RIMS1: variants seen among roughly 807,000 people sequenced by gnomAD.
RIMS1 encodes the protein regulating synaptic membrane exocytosis 1.
In RIMS1, 83 loss-of-function variants were observed where a neutral mutation model predicts 214.1. The observed-to-expected ratio is 0.39, with a 90% CI of 0.32 to 0.47. The LOEUF is 0.47. Ranked by LOEUF, RIMS1 falls within the 20% of genes least tolerant of loss-of-function variation. The pLI, the probability that RIMS1 is intolerant of heterozygous loss-of-function variation, is 0.99. For missense variants in RIMS1, 2,050 were observed against 2,161.8 expected (o/e 0.95, Z 1.03); for synonymous variants, 793 against 786.8 (o/e 1.01, Z -0.13).
intron 2 of RIMS1, among the ~76,000 whole-genome samples, chr6:72,086,921 G>A (rs1834798706): frequency 6.6e-6 from 1 of 152,156 alleles, no homozygotes; most frequent in Non-Finnish European, 1.5e-5. Flanking sequence ...TAGTTAGAAA[G>A]CTAATGAAAT....
intron 29 of RIMS1, among the ~76,000 whole-genome samples, chr6:72,340,129 G>T (rs1174956459): frequency 2.0e-5 from 3 of 151,964 alleles, no homozygotes; most frequent in South Asian, 2.1e-4. Context: ...TGTTGATGGG[G>T]TTGTTTGTTT....
chr6:72,225,875 T>C, intron 6 of RIMS1, among the ~76,000 whole-genome samples: 1 of 152,202 alleles, frequency 6.6e-6, no homozygotes, highest in Non-Finnish European at 1.5e-5. Context: ...CCAGGTTATC[T>C]TACTATTCTA....
chr6:72,146,028 T>G (rs2042700577), intron 4 of RIMS1, among the ~76,000 whole-genome samples: 1 of 152,224 alleles, frequency 6.6e-6, no homozygotes, highest in Admixed American at 6.5e-5. Flanking sequence ...AAAAATTTTC[T>G]TGACTCTGAG....
intron 4 of RIMS1, among the ~76,000 whole-genome samples, chr6:72,102,667 T>C (rs1427207472): frequency 6.6e-6 from 1 of 152,016 alleles, no homozygotes; most frequent in Non-Finnish European, 1.5e-5. Flanking sequence ...GCCAACTGAA[T>C]TTGAACCTGG....
chr6:72,370,372 C>T (rs1375115991), intron 29 of RIMS1, among the ~76,000 whole-genome samples: 2 of 152,126 alleles, frequency 1.3e-5, no homozygotes, highest in African/African-American at 2.4e-5. Context: ...AAAGACCATT[C>T]GGGACCTTTG....
intron 1 of RIMS1, among the ~76,000 whole-genome samples, chr6:71,894,243 G>A (rs1770911986): frequency 6.6e-6 from 1 of 152,152 alleles, no homozygotes; most frequent in African/African-American, 2.4e-5. Context: ...TCAGGAGTTT[G>A]AGACCAGCCT....
chr6:71,966,942 T>C (rs1297746830), intron 1 of RIMS1, among the ~76,000 whole-genome samples: 1 of 152,210 alleles, frequency 6.6e-6, no homozygotes, highest in Non-Finnish European at 1.5e-5. Flanking sequence ...AACTCTTAAG[T>C]AGTAGATTTG....
chr6:72,163,547 A>G (rs2045787709), intron 4 of RIMS1, among the ~76,000 whole-genome samples: 1 of 140,576 alleles, frequency 7.1e-6, no homozygotes, highest in South Asian at 2.4e-4. Flanking sequence ...ATGGTGATGT[A>G]TAAATGGGTT....
At chr6:72,339,914 G>T (rs1481483418) in intron 29 of RIMS1, among the ~76,000 whole-genome samples, 7 of 151,952 alleles carry the variant, frequency 4.6e-5, no homozygotes, top group Non-Finnish European at 1.0e-4. Context: ...GTGTAAAAGT[G>T]TTCCTATTTC....
intron 2 of RIMS1, among the ~76,000 whole-genome samples, chr6:72,041,898 G>A (rs934984285): frequency 1.3e-5 from 2 of 151,746 alleles, no homozygotes; most frequent in African/African-American, 2.4e-5. Context: ...ATTTGCCTAC[G>A]TAAACACAAC....
At chr6:71,996,156 G>A (rs1430734519) in intron 2 of RIMS1, among the ~76,000 whole-genome samples, 3 of 152,122 alleles carry the variant, frequency 2.0e-5, no homozygotes, top group African/African-American at 7.2e-5. Flanking sequence ...CTTCCTTAGA[G>A]GCACCATCTC....
rs1343741709 is a variant in RIMS1 at position 72,245,807 on chromosome 6, T to G, written c.2082-8T>G. The stretch of plus-strand genomic sequence containing the variant: ...AATGGGATTTTCACCATATCCTGTT[T>G]CTTTTAGTGACATTCCCCGGATTCC... On this transcript the variant is annotated splice_region_variant and splice_polypyrimidine_tract_variant and intron_variant, in intron 10 of 33. Coordinates refer to ENST00000521978, the MANE Select transcript of RIMS1 (RefSeq NM_014989.7). 3 of 1,606,492 alleles carry G rather than the reference T, an allele frequency of 1.9e-6. No individual in the cohort carries two copies. The East Asian group carries it at 6.7e-5, about 36-fold the overall frequency.
At position 72,002,399 on chromosome 6, in the gene RIMS1, C is replaced by T. The variant is rs1159696338; in HGVS notation, c.245+33336C>T. On this transcript the variant is annotated intron_variant, in intron 2 of 33. Transcript: ENST00000521978. ...ATTATTGTCAGACTTGGCAACAATA[C>T]CCCAGAAGTCTGGAAAAGGGGAAAA... 2.6e-5 allele frequency among the ~76,000 whole-genome samples: 4 copies of T among 151,620 alleles called. 1 individual carries two copies. Among genetic ancestry groups the T allele is most frequent in the South Asian group, 4.2e-4 (2 of 4,806 alleles).
chr6:72,049,085 C>A (rs1585665276), intron 2 of RIMS1, among the ~76,000 whole-genome samples: 1 of 152,150 alleles, frequency 6.6e-6, no homozygotes, highest in African/African-American at 2.4e-5. Flanking sequence ...ACCAAGCTTA[C>A]ACTGATTCAG....
At chr6:71,979,935 G>A (rs1798088614) in intron 2 of RIMS1, among the ~76,000 whole-genome samples, 1 of 152,062 alleles carries the variant, frequency 6.6e-6, no homozygotes, top group Non-Finnish European at 1.5e-5. Flanking sequence ...AAATTAATGT[G>A]AATATCACTG....
At chr6:72,006,600 C>T (rs1158736866) in intron 2 of RIMS1, among the ~76,000 whole-genome samples, 1 of 152,168 alleles carries the variant, frequency 6.6e-6, no homozygotes, top group Non-Finnish European at 1.5e-5. Context: ...ACAGATGGCA[C>T]CTGGAAAATC....
At chr6:72,005,013 T>G (rs1235626639) in intron 2 of RIMS1, among the ~76,000 whole-genome samples, 1 of 151,324 alleles carries the variant, frequency 6.6e-6, no homozygotes, top group East Asian at 1.9e-4. Context: ...GGTCTAACAT[T>G]TAAGTCTTTA....
rs1443753923 is a variant in RIMS1 at position 71,940,848 on chromosome 6, G to T, written c.165-28135G>T. Among the ~76,000 whole-genome samples the T allele has an allele frequency of 2.6e-5, 4 of 152,088 alleles. No homozygotes were observed. The East Asian group carries it at 7.7e-4, about 29-fold the overall frequency. Reference sequence around the variant, plus strand: ...TACATTTCAAAGGGATGGCTCCCAGGTCCTTGAAAAAAGACATGTTAGGGT... The same window carrying T: ...TACATTTCAAAGGGATGGCTCCCAGTTCCTTGAAAAAAGACATGTTAGGGT... On this transcript the variant is annotated intron_variant, in intron 1 of 33. Coordinates refer to ENST00000521978, the MANE Select transcript of RIMS1 (RefSeq NM_014989.7).
At chr6:71,976,959 A>T (rs1562010647) in intron 2 of RIMS1, among the ~76,000 whole-genome samples, 1 of 152,158 alleles carries the variant, frequency 6.6e-6, no homozygotes, top group Non-Finnish European at 1.5e-5. Context: ...GTTGGATAAA[A>T]GCTCTTGTCA....
Sources: gnomAD v4.1 joint callset for allele counts (sites outside exome capture counted in the v4.1 genomes callset) on GRCh38, gnomAD v4.1.1 for gene constraint, MANE v1.5 for transcripts, NCBI Gene and HGNC (gene_info 2026-07-23, HGNC 2026-07-21) for gene names.